ARID5B: variants seen among roughly 807,000 people sequenced by gnomAD.
ARID5B encodes AT-rich interaction domain 5B.
In ARID5B, 13 loss-of-function variants were observed where a neutral mutation model predicts 97.2. The ratio of observed to expected loss-of-function variants is 0.13; its 90% confidence interval spans 0.09 to 0.21. ARID5B has a LOEUF of 0.21. Among genes scored for constraint, ARID5B ranks in the 10% least tolerant of loss-of-function variants. The probability of loss-of-function intolerance (pLI) is 1.00; values close to 1 mark genes in which losing one functional copy is unlikely to be tolerated. For missense variants in ARID5B, 1,210 were observed against 1,465.3 expected (o/e 0.83, Z 2.84); for synonymous variants, 556 against 570.3 (o/e 0.97, Z 0.36).
intron 3 of ARID5B, among the ~76,000 whole-genome samples, chr10:61,987,806 A>G (rs1006674544): frequency 6.6e-6 from 1 of 152,386 alleles, no homozygotes; most frequent in South Asian, 2.1e-4. Context: ...AGAGATACCC[A>G]GAAACAGGGA....
At chr10:61,964,363 C>T (rs191993464) in intron 3 of ARID5B, among the ~76,000 whole-genome samples, 107 of 152,270 alleles carry the variant, frequency 7.0e-4, no homozygotes, top group African/African-American at 2.5e-3. Context: ...CATTCTAGTG[C>T]GTTCTAGCCC....
At chr10:61,996,122 A>G (rs1038098553) in intron 3 of ARID5B, among the ~76,000 whole-genome samples, 10 of 152,182 alleles carry the variant, frequency 6.6e-5, no homozygotes, top group Non-Finnish European at 1.3e-4. Context: ...TATCACATGC[A>G]TAGAAAGTAG....
At chr10:62,010,420 T>C (rs1159860214) in intron 4 of ARID5B, among the ~76,000 whole-genome samples, 1 of 152,232 alleles carries the variant, frequency 6.6e-6, no homozygotes, top group Non-Finnish European at 1.5e-5. Context: ...TCTAAGCTCC[T>C]TGAGGGGGTA....
At chr10:62,004,787 G>A (rs892671456) in intron 4 of ARID5B, among the ~76,000 whole-genome samples, 1 of 152,174 alleles carries the variant, frequency 6.6e-6, no homozygotes, top group African/African-American at 2.4e-5. Flanking sequence ...CACACAGATT[G>A]ATTTCACATG....
At chr10:61,913,782 G>A (rs1399272605) in intron 2 of ARID5B, among the ~76,000 whole-genome samples, 3 of 152,050 alleles carry the variant, frequency 2.0e-5, no homozygotes, top group South Asian at 2.1e-4. Context: ...ATGGAGTTTC[G>A]CTCTTTTTGC....
intron 3 of ARID5B, among the ~76,000 whole-genome samples, chr10:61,979,417 G>A (rs756836557): frequency 2.6e-5 from 4 of 152,038 alleles, no homozygotes; most frequent in Non-Finnish European, 4.4e-5. Context: ...TCGTAGGAAG[G>A]ATTTCACAGA....
intron 4 of ARID5B, among the ~76,000 whole-genome samples, chr10:62,034,984 G>A (rs897310519): frequency 3.9e-5 from 6 of 152,220 alleles, no homozygotes; most frequent in African/African-American, 1.2e-4. Flanking sequence ...CAGTAGCCCG[G>A]TGGGCTTGAG....
intron 3 of ARID5B, among the ~76,000 whole-genome samples, chr10:61,946,694 G>A (rs191695041): frequency 2.0e-5 from 3 of 152,176 alleles, no homozygotes; most frequent in African/African-American, 7.2e-5. Context: ...AGGCCAAGGC[G>A]GGTGGATCAC....
intron 3 of ARID5B, among the ~76,000 whole-genome samples, chr10:61,978,217 A>G (rs1007348478): frequency 2.6e-5 from 4 of 152,118 alleles, no homozygotes; most frequent in African/African-American, 9.7e-5. Context: ...CCATTGGTCT[A>G]TATCTCTGTT....
intron 4 of ARID5B, among the ~76,000 whole-genome samples, chr10:62,009,162 G>A (rs1839184480): frequency 1.3e-5 from 2 of 152,202 alleles, no homozygotes; most frequent in African/African-American, 2.4e-5. Flanking sequence ...CGTGGGCCTT[G>A]ATTCCATCAT....
At position 62,057,055 on chromosome 10, in the gene ARID5B, A is replaced by G. The variant is rs549172949; in HGVS notation, c.847-62A>G. On this transcript the variant is annotated intron_variant, in intron 5 of 9. Coordinates refer to ENST00000279873, the MANE Select transcript of ARID5B (RefSeq NM_032199.3). Reference sequence around the variant, plus strand: ...AGTGTTGCTGGCTCTGTCACTAGCTATGTCTTGGTAAGCATCCTGGGGCTG... The same window carrying G: ...AGTGTTGCTGGCTCTGTCACTAGCTGTGTCTTGGTAAGCATCCTGGGGCTG... The G allele has an allele frequency of 8.5e-6, 13 of 1,528,922 alleles. No individual in the cohort carries two copies. The African/African-American group carries it at 1.5e-4, about 18-fold the overall frequency. 94.7% of individuals were successfully genotyped at this position (1,528,922 alleles called of 1,614,324 possible).
chr10:61,966,906 A>G (rs376094418), intron 3 of ARID5B, among the ~76,000 whole-genome samples: 43 of 152,214 alleles, frequency 2.8e-4, no homozygotes, highest in African/African-American at 9.9e-4. Context: ...AAGATCTATA[A>G]CATTTTTTAT....
At chr10:62,025,483 C>T (rs1372251770) in intron 4 of ARID5B, 2 of 152,136 alleles carry the variant, frequency 1.3e-5, no homozygotes, top group African/African-American at 4.8e-5. Context: ...TCTGCCTTTA[C>T]TTATTATAAA....
chr10:61,913,471 A>T (rs1484641190), intron 2 of ARID5B, among the ~76,000 whole-genome samples: 1 of 152,170 alleles, frequency 6.6e-6, no homozygotes, highest in Non-Finnish European at 1.5e-5. Context: ...GGCCCAGAAA[A>T]ATCTTGGGCA....
At chr10:62,009,806 T>G (rs1161961158) in intron 4 of ARID5B, among the ~76,000 whole-genome samples, 1 of 152,014 alleles carries the variant, frequency 6.6e-6, no homozygotes, top group African/African-American at 2.4e-5. Flanking sequence ...GCCACCGGAG[T>G]TAAAAGATCC....
intron 2 of ARID5B, among the ~76,000 whole-genome samples, chr10:61,910,861 T>C (rs1843791659): frequency 6.6e-6 from 1 of 152,218 alleles, no homozygotes; most frequent in Admixed American, 6.5e-5. Context: ...TTCTGTAGGA[T>C]CTTTGTGGCT....
At chr10:62,075,559 G>A (rs1198793585) in intron 8 of ARID5B, among the ~76,000 whole-genome samples, 2 of 152,198 alleles carry the variant, frequency 1.3e-5, no homozygotes, top group Non-Finnish European at 2.9e-5. Context: ...CCTTGCCTTC[G>A]GAGGACGACT....
chr10:62,092,441 T>G lies in ARID5B; in HGVS notation c.2978T>G (p.Val993Gly). ...LENFRKMEGM[V>G]HPILHRKMSP... ...AATTTCAGGAAGATGGAAGGCATGG[T>G]CCACCCAATCCTGCACCGGAAAATG... Residue 993 changes from valine (V) to glycine (G), a missense_variant, in exon 10 of 10, where the codon GTC (valine) becomes GGC (glycine). Physicochemically the swap from Val to Gly is moderately radical, Grantham distance 109 (BLOSUM62 -3). Around this residue, in one of 8 missense-constraint regions of ARID5B, gnomAD observed 800 missense variants for 839.1 expected, o/e 0.95. Coordinates refer to ENST00000279873, the MANE Select transcript of ARID5B (RefSeq NM_032199.3). 1.9e-6 allele frequency: 3 copies of G among 1,614,144 alleles called. No individual in the cohort carries two copies. The highest frequency in any genetic ancestry group is 1.7e-6 in the Non-Finnish European group (2 of 1,180,014).
At chr10:61,944,069 C>A (rs1844460889) in intron 3 of ARID5B, among the ~76,000 whole-genome samples, 1 of 152,138 alleles carries the variant, frequency 6.6e-6, no homozygotes, top group Non-Finnish European at 1.5e-5. Context: ...TCATTCTCTT[C>A]CCTCCTCTTT....
Sources: allele counts gnomAD v4.1 joint callset (sites outside exome capture counted in the v4.1 genomes callset), GRCh38; gene constraint gnomAD v4.1.1; regional missense constraint gnomAD v4.1.1; transcripts MANE v1.5; gene names NCBI Gene and HGNC (gene_info 2026-07-23, HGNC 2026-07-21).